Variants in KCNK5 observed in about 807,000 individuals in gnomAD.
KCNK5 encodes the protein potassium two pore domain channel subfamily K member 5.
In KCNK5, 18 loss-of-function variants were observed where a neutral mutation model predicts 32.9. The ratio of observed to expected loss-of-function variants is 0.55; its 90% CI spans 0.38 to 0.81. The LOEUF is 0.81. Among genes scored for constraint, KCNK5 ranks in the 30% least tolerant of loss-of-function variants. The pLI is 0.00. For synonymous variants in KCNK5, 276 were observed against 275.3 expected, an observed-to-expected ratio of 1.00 and a Z score of -0.03; for missense variants, 507 against 651.0, an observed-to-expected ratio of 0.78 and a Z score of 2.41.
At chr6:39,197,270 T>C (rs1250135001) in intron 1 of KCNK5, among the ~76,000 whole-genome samples, 2 of 152,140 alleles carry the variant, frequency 1.3e-5, no homozygotes, top group Admixed American at 1.3e-4. Flanking sequence ...AAAAAGGGCA[T>C]GGGTGGGTTG....
At chr6:39,207,128 C>T (rs2815112) in intron 1 of KCNK5, among the ~76,000 whole-genome samples, 41,670 of 152,106 alleles carry the variant, frequency 0.27, 6,164 homozygotes, top group East Asian at 0.52. Context: ...CAGGTGCCTT[C>T]CTGCAGCTCA....
intron 1 of KCNK5, among the ~76,000 whole-genome samples, chr6:39,214,999 T>C (rs754900930): frequency 2.6e-5 from 4 of 152,186 alleles, no homozygotes; most frequent in South Asian, 4.1e-4. Flanking sequence ...ATTGGCCTTA[T>C]TGAACAAGTG....
intron 1 of KCNK5, among the ~76,000 whole-genome samples, chr6:39,203,181 A>G (rs1431510012): frequency 6.6e-6 from 1 of 152,220 alleles, no homozygotes; most frequent in African/African-American, 2.4e-5. Context: ...GGAAAGGGTG[A>G]GAACACTGTC....
intron 1 of KCNK5, among the ~76,000 whole-genome samples, chr6:39,227,040 C>T (rs1771684104): frequency 6.6e-6 from 1 of 152,096 alleles, no homozygotes; most frequent in Admixed American, 6.5e-5. Flanking sequence ...TGTTCAAATA[C>T]CTTAAGAAGC....
Position 39,224,308 on chromosome 6 carries a change from C to T in KCNK5, c.186+4618G>A, listed in dbSNP as rs371016966. Among the ~76,000 whole-genome samples, 111 of 152,274 alleles carry T rather than the reference C, an allele frequency of 7.3e-4. 1 individual carries two copies. The South Asian group carries it at 0.01, about 14-fold the overall frequency. Reference sequence around the variant, plus strand: ...ATTGTGTTCCTTTTACTTACAAAGGCGGTTAAGTGGACCAGTGCATTTCAC... The same window carrying T: ...ATTGTGTTCCTTTTACTTACAAAGGTGGTTAAGTGGACCAGTGCATTTCAC... On this transcript the variant is annotated intron_variant, in intron 1 of 4. Coordinates refer to ENST00000359534, the MANE Select transcript of KCNK5 (RefSeq NM_003740.4).
intron 1 of KCNK5, among the ~76,000 whole-genome samples, chr6:39,216,742 G>A (rs1199921748): frequency 6.6e-6 from 1 of 152,114 alleles, no homozygotes; most frequent in Non-Finnish European, 1.5e-5. Flanking sequence ...GCTGTCATGC[G>A]GGGCTGGTGT....
rs1283792277 is a variant in KCNK5 at position 39,212,872 on chromosome 6, G to A, written c.186+16054C>T. Among the ~76,000 whole-genome samples, 3 of 152,332 alleles carry A rather than the reference G, an allele frequency of 2.0e-5. No homozygotes were observed. The East Asian group carries it at 5.8e-4, about 29-fold the overall frequency. The stretch of plus-strand genomic sequence containing the variant: ...CACAGCACTGCTGCCAAGGAAGCTA[G>A]CAGTCTGCTAGCTAAATTTAAAGAC... On this transcript the variant is annotated intron_variant, in intron 1 of 4. Coordinates refer to ENST00000359534, the MANE Select transcript of KCNK5 (RefSeq NM_003740.4).
intron 1 of KCNK5, among the ~76,000 whole-genome samples, chr6:39,213,942 C>T (rs138585457): frequency 0.012 from 1,880 of 151,992 alleles, 38 homozygotes; most frequent in African/African-American, 0.041. Flanking sequence ...AGGAGAATTG[C>T]GTGAACCCAG....
chr6:39,216,461 G>A (rs1300164531), intron 1 of KCNK5, among the ~76,000 whole-genome samples: 1 of 152,198 alleles, frequency 6.6e-6, no homozygotes, highest in African/African-American at 2.4e-5. Context: ...TGGGGTGTGT[G>A]TGGAAAACCC....
chr6:39,200,449 G>A (rs1269350138), intron 1 of KCNK5, among the ~76,000 whole-genome samples: 1 of 152,122 alleles, frequency 6.6e-6, no homozygotes, highest in Non-Finnish European at 1.5e-5. Context: ...TTCTTGCTGG[G>A]AAGATACTAT....
chr6:39,191,581 G>T lies in KCNK5; in HGVS notation c.809C>A (p.Ser270Tyr). 1 of 1,613,984 alleles carries T rather than the reference G, an allele frequency of 6.2e-7. No homozygotes were observed. The highest frequency in any genetic ancestry group is 8.5e-7 in the Non-Finnish European group (1 of 1,180,024). Residue 270 changes from serine to tyrosine, a missense_variant, in exon 5 of 5, where the codon TCC becomes TAC. By Grantham distance (144) the Ser-to-Tyr change is moderately radical (BLOSUM62 -2). Around this residue, in one of 6 missense-constraint regions of KCNK5, gnomAD observed 42 missense variants for 35.3 expected, o/e 1.19. Transcript: ENST00000359534. This position sits in a 1 kb window ranked among gnomAD's most constrained non-coding sequence, Gnocchi z 5.8. ...RRRRKESFES[S>Y]PHSRKALQVK... Reference sequence around the variant, plus strand: ...CTGCAGGGCCTTCCGGGAGTGTGGGGAGCTCTCAAAGGACTCCTTCCGTCG... The same window carrying T: ...CTGCAGGGCCTTCCGGGAGTGTGGGTAGCTCTCAAAGGACTCCTTCCGTCG...
chr6:39,228,507 C>T (rs554750939), intron 1 of KCNK5, among the ~76,000 whole-genome samples: 1 of 152,266 alleles, frequency 6.6e-6, no homozygotes, highest in South Asian at 2.1e-4. Flanking sequence ...TGGCACTGGC[C>T]CTGGAGCGGG....
chr6:39,196,444 C>T lies in KCNK5; in HGVS notation c.187-457G>A, dbSNP rs549919465. ...AAAGCACATGTGAGGCAGACACACACAAGGAGGTCCCCTGTGCCTCACCCA... is the reference window on the plus strand; with the variant it reads ...AAAGCACATGTGAGGCAGACACACATAAGGAGGTCCCCTGTGCCTCACCCA... On this transcript the variant is annotated intron_variant, in intron 1 of 4. Transcript: ENST00000359534. Among the ~76,000 whole-genome samples the T allele has an allele frequency of 2.0e-5, 3 of 152,348 alleles. No homozygotes were observed. The East Asian group carries it at 5.8e-4, about 29-fold the overall frequency.
chr6:39,211,724 G>A (rs1341648871), intron 1 of KCNK5, among the ~76,000 whole-genome samples: 1 of 152,216 alleles, frequency 6.6e-6, no homozygotes, highest in Non-Finnish European at 1.5e-5. Flanking sequence ...AGCACTTTGG[G>A]AGGCCAACGT....
chr6:39,195,054 T>C (rs1771005596), intron 2 of KCNK5, among the ~76,000 whole-genome samples: 1 of 152,198 alleles, frequency 6.6e-6, no homozygotes, highest in Non-Finnish European at 1.5e-5. Context: ...TTATAAGACA[T>C]GCTCTCTGTG....
At chr6:39,199,247 T>C (rs953654218) in intron 1 of KCNK5, among the ~76,000 whole-genome samples, 2 of 152,212 alleles carry the variant, frequency 1.3e-5, no homozygotes, top group African/African-American at 4.8e-5. Context: ...TTGGGAATCA[T>C]TTAGTAAGTG....
intron 1 of KCNK5, among the ~76,000 whole-genome samples, chr6:39,218,071 T>C (rs1037907505): frequency 3.9e-5 from 3 of 77,694 alleles, no homozygotes; most frequent in African/African-American, 1.7e-4. Flanking sequence ...CTTACAGGCC[T>C]TTTTTTTTTT....
Position 39,191,570 on chromosome 6 carries a change from G to C in KCNK5, c.820C>G (p.Arg274Gly), listed in dbSNP as rs147772924. The change falls in exon 5 of 5, where the codon CGG (arginine) becomes GGG (glycine). Residue 274 changes from arginine to glycine, a missense_variant. Coordinates refer to ENST00000359534, the MANE Select transcript of KCNK5 (RefSeq NM_003740.4). This position sits in a 1 kb window ranked among gnomAD's most constrained non-coding sequence, Gnocchi z 5.8. Reference sequence around the variant, plus strand: ...CTCCCCTTCACCTGCAGGGCCTTCCGGGAGTGTGGGGAGCTCTCAAAGGAC... The same window carrying C: ...CTCCCCTTCACCTGCAGGGCCTTCCCGGAGTGTGGGGAGCTCTCAAAGGAC... ...KESFESSPHS[R>G]KALQVKGSTA... 479 of 1,613,932 alleles carry C rather than the reference G, an allele frequency of 3.0e-4. No individual in the cohort carries two copies. The highest frequency in any genetic ancestry group is 4.0e-4 in the Admixed American group (24 of 60,010).
intron 1 of KCNK5, 147 bp from the exon 2 acceptor site, chr6:39,196,134 G>A: frequency 1.8e-6 from 1 of 544,112 alleles, no homozygotes; most frequent in Admixed American, 3.5e-5. Context: ...ATGAAACATT[G>A]TATAGAGGAT....
Sources: gnomAD v4.1 joint callset for allele counts (sites outside exome capture counted in the v4.1 genomes callset) on GRCh38, gnomAD v4.1.1 for gene constraint, gnomAD v4.1.1 regional missense constraint, Gnocchi (gnomAD v3.1) non-coding constraint, MANE v1.5 for transcripts, NCBI Gene and HGNC (gene_info 2026-07-23, HGNC 2026-07-21) for gene names.